Variants in ANKRD31 observed in about 807,000 individuals in gnomAD.
ANKRD31 encodes the protein ankyrin repeat domain-containing protein 31.
Under a neutral mutation model 186.0 loss-of-function variants are expected in ANKRD31, and 147 were observed. That is an observed-to-expected ratio of 0.79 (90% CI 0.69 to 0.91). The LOEUF (loss-of-function observed/expected upper bound fraction) is 0.91, where lower values mean the gene tolerates loss of function less well. Ranked by LOEUF, ANKRD31 falls within the 40% of genes least tolerant of loss-of-function variation. The pLI, the probability that ANKRD31 is intolerant of heterozygous loss-of-function variation, is 0.00. For synonymous variants in ANKRD31, 673 were observed against 736.4 expected (o/e 0.91, Z 1.39); for missense variants, 1,986 against 2,148.8 (o/e 0.92, Z 1.50).
intron 11 of ANKRD31, among the ~76,000 whole-genome samples, chr5:75,167,469 C>T (rs1753010658): frequency 1.3e-5 from 2 of 152,218 alleles, no homozygotes; most frequent in African/African-American, 4.8e-5. Flanking sequence ...CTGGTTTCAA[C>T]TTTTAATTTT....
intron 20 of ANKRD31, 76 bp from the exon 21 acceptor site, chr5:75,107,693 T>C: frequency 1.2e-6 from 1 of 822,566 alleles, no homozygotes; most frequent in South Asian, 1.8e-5. Context: ...GAATTAGCCC[T>C]ATTGTTAATT....
chr5:75,174,570 G>A (rs1208121758), intron 10 of ANKRD31, among the ~76,000 whole-genome samples: 2 of 152,126 alleles, frequency 1.3e-5, no homozygotes, highest in African/African-American at 4.8e-5. Context: ...GTGGGTGAAG[G>A]ATATGAACAG....
intron 1 of ANKRD31, among the ~76,000 whole-genome samples, chr5:75,236,236 C>G (rs76793300): frequency 6.6e-6 from 1 of 152,176 alleles, no homozygotes; most frequent in East Asian, 1.9e-4. Context: ...TCTCTTGAAG[C>G]AAAATGAAGT....
In ANKRD31 at chr5:75,222,396, TTTATTGCTC is replaced by T. The variant is rs1257381164; in HGVS notation, c.179-47_179-39del. On this transcript the variant is annotated intron_variant, in intron 2 of 25. Transcript: ENST00000506364. ...ATAATCATAAATCATTTACAACAGT[TTTATTGCTC>T]TGCTTTGATAATGGCCCAATAATTT... The T allele has an allele frequency of 2.8e-6, 4 of 1,422,004 alleles. No homozygotes were observed. The African/African-American group carries it at 4.3e-5, about 15-fold the overall frequency. The allele number at this position is 1,422,004 out of a possible 1,614,324, so 88.1% of individuals were successfully genotyped here. A position where few individuals can be genotyped will look rare whatever the true frequency, so the allele number is the denominator to read the frequency against.
In ANKRD31 at chr5:75,071,503, T is replaced by G. The variant is rs1744224852; in HGVS notation, c.5648-2839A>C. Among the ~76,000 whole-genome samples the G allele has an allele frequency of 2.0e-5, 3 of 150,204 alleles. No individual in the cohort carries two copies. The South Asian group carries it at 6.3e-4, about 32-fold the overall frequency. On this transcript the variant is annotated intron_variant, in intron 25 of 25. Transcript: ENST00000506364. ...ATCTGAGAAAAGCTGTTTTGTTTTT[T>G]TTTTTTTTTGAGGTGGAGTCTCGGT...
rs193013473 is a variant in ANKRD31, at chr5:75,181,520, T to G, written c.1564+6973A>C. ...ACAACAATAGATTGGATTAAGAAAATGTGGCACATATACACCATGGAATAC... is the reference window on the plus strand; with the variant it reads ...ACAACAATAGATTGGATTAAGAAAAGGTGGCACATATACACCATGGAATAC... On this transcript the variant is annotated intron_variant, in intron 10 of 25. Transcript: ENST00000506364. Among the ~76,000 whole-genome samples, 82 of 151,990 alleles carry G rather than the reference T, an allele frequency of 5.4e-4. 1 individual carries two copies. The East Asian group carries it at 0.012, about 21-fold the overall frequency.
intron 17 of ANKRD31, among the ~76,000 whole-genome samples, chr5:75,133,272 C>T (rs767852074): frequency 6.6e-6 from 1 of 151,956 alleles, no homozygotes; most frequent in Non-Finnish European, 1.5e-5. Context: ...ACCCATCTCA[C>T]GTGCAGAGAC....
chr5:75,221,160 T>C (rs1036900448), intron 3 of ANKRD31, among the ~76,000 whole-genome samples: 5 of 151,596 alleles, frequency 3.3e-5, no homozygotes, highest in African/African-American at 1.2e-4. Flanking sequence ...AAACAGATAC[T>C]GGAGCTTACT....
chr5:75,133,845 C>T (rs552158743), intron 17 of ANKRD31, among the ~76,000 whole-genome samples: 113 of 152,266 alleles, frequency 7.4e-4, no homozygotes, highest in African/African-American at 2.6e-3. Flanking sequence ...CAAACTAGAA[C>T]TCAGGATTAA....
At chr5:75,134,300 C>A (rs1214490019) in intron 17 of ANKRD31, among the ~76,000 whole-genome samples, 2 of 151,948 alleles carry the variant, frequency 1.3e-5, no homozygotes, top group African/African-American at 4.8e-5. Context: ...AGAGAAGAAT[C>A]AAATAGACAC....
intron 6 of ANKRD31, among the ~76,000 whole-genome samples, chr5:75,198,198 T>C (rs1191999910): frequency 6.6e-6 from 1 of 152,186 alleles, no homozygotes; most frequent in African/African-American, 2.4e-5. Flanking sequence ...TCCCTTACCT[T>C]CTGCCCCCTT....
At chr5:75,170,245 A>G (rs943285451) in intron 10 of ANKRD31, among the ~76,000 whole-genome samples, 2 of 152,136 alleles carry the variant, frequency 1.3e-5, no homozygotes, top group Non-Finnish European at 2.9e-5. Flanking sequence ...TTATAATATT[A>G]ATTCAAAGAT....
intron 21 of ANKRD31, among the ~76,000 whole-genome samples, chr5:75,107,077 T>C (rs1359914585): frequency 6.6e-6 from 1 of 151,906 alleles, no homozygotes; most frequent in Non-Finnish European, 1.5e-5. Flanking sequence ...ACCAATATAA[T>C]CAGGATAAAA....
chr5:75,210,270 C>T (rs1756531128), intron 4 of ANKRD31, among the ~76,000 whole-genome samples: 1 of 152,126 alleles, frequency 6.6e-6, no homozygotes, highest in Non-Finnish European at 1.5e-5. Flanking sequence ...GCTTCCCAGG[C>T]TCAAGCAATT....
chr5:75,213,180 C>A (rs1284685673), intron 3 of ANKRD31, among the ~76,000 whole-genome samples: 1 of 152,090 alleles, frequency 6.6e-6, no homozygotes, highest in African/African-American at 2.4e-5. Context: ...AGAGACAAAC[C>A]CAGAAACTCC....
intron 5 of ANKRD31, among the ~76,000 whole-genome samples, chr5:75,203,069 C>A (rs563840940): frequency 3.3e-5 from 5 of 152,212 alleles, no homozygotes; most frequent in Non-Finnish European, 5.9e-5. Flanking sequence ...AACTCAGCCT[C>A]CCTAGTAGCT....
intron 22 of ANKRD31, among the ~76,000 whole-genome samples, chr5:75,098,398 T>A (rs1014561161): frequency 2.1e-4 from 32 of 152,196 alleles, no homozygotes; most frequent in Non-Finnish European, 3.4e-4. Context: ...GGCTTAGGAT[T>A]GTCTTGGTGA....
intron 3 of ANKRD31, among the ~76,000 whole-genome samples, chr5:75,220,303 C>A (rs1461550284): frequency 6.6e-6 from 1 of 152,112 alleles, no homozygotes; most frequent in Non-Finnish European, 1.5e-5. Flanking sequence ...ACAGAATCTA[C>A]AAGGAACTTA....
chr5:75,214,192 C>T (rs773800432), intron 3 of ANKRD31, among the ~76,000 whole-genome samples: 13 of 152,182 alleles, frequency 8.5e-5, no homozygotes, highest in Non-Finnish European at 1.6e-4. Context: ...TGTTGACATC[C>T]ACTCACTAGG....
Sources: allele counts gnomAD v4.1 joint callset (sites outside exome capture counted in the v4.1 genomes callset), GRCh38; gene constraint gnomAD v4.1.1; transcripts MANE v1.5; gene names NCBI Gene and HGNC (gene_info 2026-07-23, HGNC 2026-07-21).